The following RIT2 variants were observed in gnomAD, a reference collection of about 807,000 sequenced individuals.
RIT2 encodes the protein GTP-binding protein Rit2.
In RIT2, 24 loss-of-function variants were observed where a neutral mutation model predicts 23.7. That is an observed-to-expected ratio of 1.01 (90% CI 0.73 to 1.43). RIT2 has a LOEUF of 1.43. Among genes scored for constraint, RIT2 ranks in the 40% most tolerant of loss-of-function variants. RIT2 has a pLI of 0.00. For synonymous variants in RIT2, 107 were observed against 91.1 expected (o/e 1.17, Z -0.99); for missense variants, 236 against 266.9 (o/e 0.88, Z 0.81).
At chr18:43,094,531 G>A (rs1336255989) in intron 1 of RIT2, among the ~76,000 whole-genome samples, 1 of 151,938 alleles carries the variant, frequency 6.6e-6, no homozygotes, top group Non-Finnish European at 1.5e-5. Flanking sequence ...AAATGGCATT[G>A]AGTTTCACGG....
At chr18:42,939,331 G>T (rs1909538084) in intron 3 of RIT2, among the ~76,000 whole-genome samples, 1 of 152,110 alleles carries the variant, frequency 6.6e-6, no homozygotes. Flanking sequence ...TAAGGTTGTT[G>T]CAAGACCAAG....
intron 2 of RIT2, among the ~76,000 whole-genome samples, chr18:43,026,584 GA>G (rs1911727335): frequency 1.1e-5 from 1 of 94,092 alleles, no homozygotes; most frequent in Admixed American, 1.1e-4. Context: ...AAGAAAGAAA[GA>G]AAGAAAGAAA....
chr18:42,909,496 T>C (rs973127840), intron 4 of RIT2, among the ~76,000 whole-genome samples: 1 of 152,156 alleles, frequency 6.6e-6, no homozygotes, highest in African/African-American at 2.4e-5. Flanking sequence ...AGTTTTCAAG[T>C]TCATATTTTG....
At chr18:43,015,332 T>C (rs1327705731) in intron 2 of RIT2, among the ~76,000 whole-genome samples, 1 of 151,680 alleles carries the variant, frequency 6.6e-6, no homozygotes, top group Non-Finnish European at 1.5e-5. Context: ...TGGATAGCAA[T>C]GTCATTCACT....
intron 4 of RIT2, among the ~76,000 whole-genome samples, chr18:42,834,800 C>T (rs1943945): frequency 0.05 from 7,641 of 152,138 alleles, 592 homozygotes; most frequent in East Asian, 0.33. Flanking sequence ...TAATATTTTG[C>T]ACACTTAAAT....
chr18:42,794,545 A>C (rs1914112472), intron 4 of RIT2, among the ~76,000 whole-genome samples: 1 of 152,236 alleles, frequency 6.6e-6, no homozygotes, highest in African/African-American at 2.4e-5. Context: ...AACATAAGCA[A>C]ACATGAGCTT....
intron 1 of RIT2, among the ~76,000 whole-genome samples, chr18:43,063,862 C>T (rs561617051): frequency 1.3e-5 from 2 of 152,256 alleles, no homozygotes; most frequent in African/African-American, 4.8e-5. Context: ...TAGGTACCAA[C>T]AAGAGCTGGG....
intron 4 of RIT2, among the ~76,000 whole-genome samples, chr18:42,886,647 T>C (rs536768593): frequency 2.0e-4 from 31 of 152,286 alleles, no homozygotes; most frequent in Admixed American, 4.6e-4. Flanking sequence ...TGTGAGAGGA[T>C]TGGCAGATTA....
intron 4 of RIT2, among the ~76,000 whole-genome samples, chr18:42,843,308 C>T (rs1906818199): frequency 6.6e-6 from 1 of 152,272 alleles, no homozygotes; most frequent in African/African-American, 2.4e-5. Flanking sequence ...TTAAAACCTG[C>T]TATGTCAGCC....
chr18:43,092,471 C>T (rs1348867875), intron 1 of RIT2, among the ~76,000 whole-genome samples: 1 of 152,056 alleles, frequency 6.6e-6, no homozygotes, highest in Admixed American at 6.6e-5. Flanking sequence ...GTCATCTCTT[C>T]ATATGAAAAT....
At chr18:43,034,463 A>G (rs987648299) in intron 1 of RIT2, among the ~76,000 whole-genome samples, 4 of 152,090 alleles carry the variant, frequency 2.6e-5, no homozygotes, top group Non-Finnish European at 5.9e-5. Flanking sequence ...TTCCAAACCT[A>G]TGATTTTGTA....
intron 2 of RIT2, among the ~76,000 whole-genome samples, chr18:42,996,489 C>T (rs749765205): frequency 2.6e-5 from 4 of 152,166 alleles, no homozygotes; most frequent in East Asian, 1.9e-4. Context: ...TAACTGATGA[C>T]ATTCCACCAC....
intron 4 of RIT2, among the ~76,000 whole-genome samples, chr18:42,890,300 G>C (rs1360378094): frequency 6.6e-6 from 1 of 151,938 alleles, no homozygotes. Context: ...AACAGAAATT[G>C]TCATGAAAGT....
intron 1 of RIT2, among the ~76,000 whole-genome samples, chr18:43,104,070 T>G (rs1913751497): frequency 6.6e-6 from 1 of 152,124 alleles, no homozygotes; most frequent in Non-Finnish European, 1.5e-5. Context: ...AAAGGAAATG[T>G]CATATACATA....
chr18:42,984,839 T>C (rs1211540008), intron 2 of RIT2, among the ~76,000 whole-genome samples: 4 of 151,984 alleles, frequency 2.6e-5, no homozygotes, highest in African/African-American at 7.2e-5. Flanking sequence ...TATAGAAAAA[T>C]ACTAAAATTA....
At chr18:42,896,405 A>AT (rs2144101075) in intron 4 of RIT2, among the ~76,000 whole-genome samples, 1 of 152,280 alleles carries the variant, frequency 6.6e-6, no homozygotes, top group Non-Finnish European at 1.5e-5. Flanking sequence ...CTCAATGGCC[A>AT]TTTTTTCAGA....
intron 1 of RIT2, among the ~76,000 whole-genome samples, chr18:43,040,323 T>G (rs1197103834): frequency 2.0e-5 from 3 of 152,162 alleles, no homozygotes; most frequent in African/African-American, 7.2e-5. Context: ...GAACGCTATT[T>G]CCTAGCTCTG....
intron 2 of RIT2, among the ~76,000 whole-genome samples, chr18:42,975,962 A>G (rs1332825827): frequency 1.3e-5 from 2 of 152,074 alleles, no homozygotes; most frequent in East Asian, 1.9e-4. Context: ...CATCAGTTTT[A>G]GAATGCTGTG....
chr18:42,874,685 A>G (rs1400660065), intron 4 of RIT2, among the ~76,000 whole-genome samples: 1 of 152,120 alleles, frequency 6.6e-6, no homozygotes, highest in Non-Finnish European at 1.5e-5. Flanking sequence ...CTGGTCTCAG[A>G]ATCTTCATCA....
Sources: allele counts gnomAD v4.1 joint callset (sites outside exome capture counted in the v4.1 genomes callset), GRCh38; gene constraint gnomAD v4.1.1; transcripts MANE v1.5; gene names NCBI Gene and HGNC (gene_info 2026-07-23, HGNC 2026-07-21).